RBFOX1: variants seen among roughly 807,000 people sequenced by gnomAD.
RBFOX1 encodes RNA binding fox-1 homolog 1.
RBFOX1 carries 8 observed loss-of-function variants against 57.7 expected under a neutral mutation model. The observed-to-expected ratio is 0.14, with a 90% CI of 0.08 to 0.25. The LOEUF (loss-of-function observed/expected upper bound fraction) is 0.25, where lower values mean the gene tolerates loss of function less well. RBFOX1 is among the 10% of genes least tolerant of loss of function. RBFOX1 has a pLI of 1.00. For missense variants in RBFOX1, 611 were observed against 548.5 expected, an observed-to-expected ratio of 1.11 and a Z score of -1.14; for synonymous variants, 326 against 222.4, an observed-to-expected ratio of 1.47 and a Z score of -4.15.
At position 6,403,466 on chromosome 16, in the gene RBFOX1, T is replaced by G. The variant is rs528680651; in HGVS notation, c.-64+86409T>G. Among the ~76,000 whole-genome samples, 4 of 152,034 alleles carry G rather than the reference T, an allele frequency of 2.6e-5. No individual in the cohort carries two copies. In the East Asian group the frequency reaches 5.8e-4, roughly 22 times the overall value. ...GCAGCCTGGACCACCGGAGCTCAGG[T>G]GGGCCTCCCTCCTGAACCTCCCCAG... On this transcript the variant is annotated intron_variant, in intron 2 of 15. Transcript: ENST00000550418.
At chr16:6,098,379 G>C (rs765001197) in intron 1 of RBFOX1, among the ~76,000 whole-genome samples, 139 of 152,322 alleles carry the variant, frequency 9.1e-4, no homozygotes, top group Non-Finnish European at 1.7e-3. Context: ...CCCCAAGCCT[G>C]TTAAGCCTCT....
chr16:6,270,339 C>G (rs780534214), intron 1 of RBFOX1, among the ~76,000 whole-genome samples: 38 of 151,596 alleles, frequency 2.5e-4, no homozygotes, highest in African/African-American at 5.8e-4. Context: ...CAAGAAACTC[C>G]TTTCAAATTT....
chr16:5,567,733 C>T (rs1408012658), intron 2 of RBFOX1, among the ~76,000 whole-genome samples: 1 of 151,562 alleles, frequency 6.6e-6, no homozygotes, highest in Non-Finnish European at 1.5e-5. Flanking sequence ...TCACTGCCAC[C>T]ATCAACATTG....
At chr16:7,590,547 G>C (rs553411397) in intron 7 of RBFOX1, among the ~76,000 whole-genome samples, 2 of 152,000 alleles carry the variant, frequency 1.3e-5, no homozygotes, top group Non-Finnish European at 2.9e-5. Flanking sequence ...TGCAGATATA[G>C]CTACTCCCTA....
chr16:7,342,773 A>C (rs931760364), intron 4 of RBFOX1, among the ~76,000 whole-genome samples: 1 of 152,064 alleles, frequency 6.6e-6, no homozygotes, highest in Non-Finnish European at 1.5e-5. Flanking sequence ...TCCTCTTTCC[A>C]CATGGCTGGT....
chr16:5,737,102 T>C (rs1195569708), intron 3 of RBFOX1, among the ~76,000 whole-genome samples: 1 of 152,086 alleles, frequency 6.6e-6, no homozygotes, highest in African/African-American at 2.4e-5. Flanking sequence ...CATAATCTGC[T>C]TGAGGTCTAA....
intron 4 of RBFOX1, among the ~76,000 whole-genome samples, chr16:5,956,836 A>ATTT (rs200469523): frequency 7.2e-6 from 1 of 138,578 alleles, no homozygotes; most frequent in Non-Finnish European, 1.6e-5. Flanking sequence ...TGCCTGGCTA[A>ATTT]TTTTTTTTTT....
chr16:5,631,543 G>T (rs986277314), intron 3 of RBFOX1, among the ~76,000 whole-genome samples: 1 of 150,284 alleles, frequency 6.7e-6, no homozygotes, highest in African/African-American at 2.5e-5. Flanking sequence ...GTGACAGACC[G>T]AGACTCCATA....
intron 4 of RBFOX1, among the ~76,000 whole-genome samples, chr16:7,341,958 C>G (rs1410019553): frequency 6.6e-6 from 1 of 151,996 alleles, no homozygotes; most frequent in Non-Finnish European, 1.5e-5. Context: ...TTGGCCATTC[C>G]TTCTCTTCTG....
chr16:7,179,382 G>T (rs2082262315), intron 4 of RBFOX1, among the ~76,000 whole-genome samples: 1 of 152,030 alleles, frequency 6.6e-6, no homozygotes, highest in South Asian at 2.1e-4. Flanking sequence ...ATCCCTTTGG[G>T]GAATAATTTT....
chr16:7,039,620 C>A (rs1044270751), intron 3 of RBFOX1, among the ~76,000 whole-genome samples: 1 of 152,134 alleles, frequency 6.6e-6, no homozygotes, highest in Non-Finnish European at 1.5e-5. Flanking sequence ...TAACAACCGC[C>A]ATGACCGGTG....
intron 3 of RBFOX1, among the ~76,000 whole-genome samples, chr16:6,918,425 G>T (rs2073739682): frequency 6.6e-6 from 1 of 152,108 alleles, no homozygotes; most frequent in African/African-American, 2.4e-5. Flanking sequence ...TTGAACTGTA[G>T]CTATAGGAAG....
intron 4 of RBFOX1, among the ~76,000 whole-genome samples, chr16:5,908,670 T>G (rs1157024937): frequency 6.6e-6 from 1 of 152,040 alleles, no homozygotes; most frequent in Non-Finnish European, 1.5e-5. Context: ...GGCCTAAAAG[T>G]GTGGCAGGGC....
chr16:6,257,217 G>T (rs1385571256), intron 1 of RBFOX1, among the ~76,000 whole-genome samples: 1 of 151,998 alleles, frequency 6.6e-6, no homozygotes, highest in Non-Finnish European at 1.5e-5. Flanking sequence ...CCCTCACCTA[G>T]GTATTAAGCC....
intron 4 of RBFOX1, among the ~76,000 whole-genome samples, chr16:7,373,784 T>C (rs778238482): frequency 6.6e-6 from 1 of 152,192 alleles, no homozygotes. Flanking sequence ...CCCCACACTT[T>C]GGGGTCTGGA....
intron 2 of RBFOX1, among the ~76,000 whole-genome samples, chr16:6,511,836 C>T (rs1037903667): frequency 5.9e-5 from 9 of 152,142 alleles, no homozygotes; most frequent in Admixed American, 4.6e-4. Flanking sequence ...GAAGTCACGG[C>T]TTTCTTCTTT....
chr16:6,397,432 C>G (rs1165171014), intron 2 of RBFOX1, among the ~76,000 whole-genome samples: 3 of 144,418 alleles, frequency 2.1e-5, no homozygotes, highest in East Asian at 4.1e-4. Context: ...ACCCAGAATT[C>G]TGTTTTCATA....
chr16:6,574,150 G>T (rs952229359), intron 2 of RBFOX1, among the ~76,000 whole-genome samples: 6 of 152,122 alleles, frequency 3.9e-5, no homozygotes, highest in Non-Finnish European at 7.4e-5. Context: ...TTCCATTCTG[G>T]CCTTGCGATA....
chr16:5,452,704 C>T (rs536713362), intron 1 of RBFOX1, among the ~76,000 whole-genome samples: 2 of 151,724 alleles, frequency 1.3e-5, no homozygotes, highest in African/African-American at 4.8e-5. Flanking sequence ...AGTGCAATGG[C>T]GTGGTCCTGG....
Sources: allele counts gnomAD v4.1 joint callset (sites outside exome capture counted in the v4.1 genomes callset), GRCh38; gene constraint gnomAD v4.1.1; transcripts MANE v1.5; gene names NCBI Gene and HGNC (gene_info 2026-07-23, HGNC 2026-07-21).